UBE2E3: variants seen among roughly 807,000 people sequenced by gnomAD.
The protein encoded by UBE2E3 is ubiquitin-conjugating enzyme E2 E3.
In UBE2E3, 5 loss-of-function variants were observed where a neutral mutation model predicts 23.6. The observed-to-expected ratio is 0.21, with a 90% CI of 0.11 to 0.44. The LOEUF is 0.44. Ranked by LOEUF, UBE2E3 falls within the 20% of genes least tolerant of loss-of-function variation. UBE2E3 has a pLI of 0.99. For missense variants in UBE2E3, 81 were observed against 249.8 expected (o/e 0.32, Z 4.55); for synonymous variants, 78 against 87.5 (o/e 0.89, Z 0.60).
chr2:181,006,422 A>T (rs1441397301), intron 3 of UBE2E3, among the ~76,000 whole-genome samples: 1 of 151,234 alleles, frequency 6.6e-6, no homozygotes, highest in Admixed American at 6.6e-5. Context: ...TCCAGATTCC[A>T]TGAAGGATAC....
At chr2:181,009,935 CT>C (rs1225712011) in intron 3 of UBE2E3, among the ~76,000 whole-genome samples, 2 of 151,894 alleles carry the variant, frequency 1.3e-5, no homozygotes, top group Non-Finnish European at 2.9e-5. Flanking sequence ...TTTTTTAATA[CT>C]TTTTTTACTC....
chr2:181,021,036 T>C (rs1330434950), intron 3 of UBE2E3, among the ~76,000 whole-genome samples: 2 of 152,250 alleles, frequency 1.3e-5, no homozygotes, highest in Non-Finnish European at 1.5e-5. Context: ...ACATACTTTG[T>C]CAATCATTTC....
intron 3 of UBE2E3, among the ~76,000 whole-genome samples, chr2:181,055,681 T>G (rs1419956464): frequency 1.4e-5 from 2 of 141,140 alleles, no homozygotes; most frequent in Non-Finnish European, 3.0e-5. Flanking sequence ...AATAGTTAAA[T>G]GTACACTTTG....
intron 4 of UBE2E3, among the ~76,000 whole-genome samples, chr2:181,058,646 C>A (rs1687049645): frequency 6.6e-6 from 1 of 151,652 alleles, no homozygotes; most frequent in Non-Finnish European, 1.5e-5. Flanking sequence ...TTTTCTTTTC[C>A]AACATGGTGA....
intron 3 of UBE2E3, among the ~76,000 whole-genome samples, chr2:181,021,120 G>T (rs1685655688): frequency 6.6e-6 from 1 of 152,182 alleles, no homozygotes. Flanking sequence ...AATAGCTACA[G>T]CAATATACCA....
At chr2:181,010,180 G>A (rs1264620148) in intron 3 of UBE2E3, among the ~76,000 whole-genome samples, 2 of 152,050 alleles carry the variant, frequency 1.3e-5, no homozygotes, top group African/African-American at 4.8e-5. Flanking sequence ...ATATGTATTT[G>A]TACTAGCTTT....
intron 3 of UBE2E3, among the ~76,000 whole-genome samples, chr2:181,014,284 A>T (rs1002373659): frequency 2.6e-5 from 4 of 152,150 alleles, no homozygotes; most frequent in Non-Finnish European, 5.9e-5. Context: ...TACTTAAGGG[A>T]TATTCAGTGG....
chr2:181,012,542 C>T (rs1685362870), intron 3 of UBE2E3, among the ~76,000 whole-genome samples: 1 of 152,094 alleles, frequency 6.6e-6, no homozygotes, highest in Admixed American at 6.6e-5. Flanking sequence ...ATTTGACAAC[C>T]ACACATTGTC....
chr2:181,051,494 CCTAA>C (rs1686844161), intron 3 of UBE2E3, among the ~76,000 whole-genome samples: 1 of 151,776 alleles, frequency 6.6e-6, no homozygotes, highest in South Asian at 2.1e-4. Context: ...ATCTTAATTA[CCTAA>C]CTCATTCCAG....
chr2:181,040,644 G>T (rs1686458524), intron 3 of UBE2E3, among the ~76,000 whole-genome samples: 1 of 152,140 alleles, frequency 6.6e-6, no homozygotes, highest in Admixed American at 6.5e-5. Flanking sequence ...TAGGATGAAG[G>T]TGGGTAATCA....
At chr2:181,040,008 A>G (rs768581259) in intron 3 of UBE2E3, among the ~76,000 whole-genome samples, 3 of 152,144 alleles carry the variant, frequency 2.0e-5, no homozygotes, top group Non-Finnish European at 2.9e-5. Context: ...GAATCTGTGT[A>G]TGTAGAACCC....
rs115377214 is a variant in UBE2E3 at position 181,059,827 on chromosome 2, T to G, written c.379-838T>G. Among the ~76,000 whole-genome samples the G allele has an allele frequency of 3.9e-3, 587 of 151,808 alleles. 2 individuals carry two copies. The highest frequency in any genetic ancestry group is 0.014 in the African/African-American group (561 of 41,496). ...TGCATTCTTTTCAGGAAGACACTTT[T>G]GAGAGCATTTAATGTTTTCCTCCCA... On this transcript the variant is annotated intron_variant, in intron 4 of 5. Transcript: ENST00000410062.
upstream of UBE2E3, chr2:180,980,453 C>T (rs1043314633): frequency 1.3e-5 from 2 of 150,654 alleles, no homozygotes; most frequent in African/African-American, 4.9e-5. This position sits in a 1 kb window ranked among gnomAD's most constrained non-coding sequence, Gnocchi z 5.5. Flanking sequence ...ACGCGTGCAC[C>T]CCCAGGGTGA....
chr2:181,061,548 T>G (rs1266866774), intron 5 of UBE2E3, among the ~76,000 whole-genome samples: 1 of 151,660 alleles, frequency 6.6e-6, no homozygotes, highest in Non-Finnish European at 1.5e-5. Flanking sequence ...TCTCCCTTCC[T>G]TTTTTAATTA....
intron 3 of UBE2E3, among the ~76,000 whole-genome samples, chr2:181,034,856 A>C (rs1686219012): frequency 6.6e-6 from 1 of 152,184 alleles, no homozygotes; most frequent in Non-Finnish European, 1.5e-5. Context: ...GAGTAATAGA[A>C]AAAAATTAGA....
At chr2:181,021,911 A>G (rs962521615) in intron 3 of UBE2E3, among the ~76,000 whole-genome samples, 2 of 152,146 alleles carry the variant, frequency 1.3e-5, no homozygotes, top group African/African-American at 2.4e-5. Context: ...AAAAGTGCCC[A>G]GAATCCTTGA....
intron 3 of UBE2E3, among the ~76,000 whole-genome samples, chr2:181,030,237 T>C (rs1426083970): frequency 6.6e-6 from 1 of 152,140 alleles, no homozygotes; most frequent in Non-Finnish European, 1.5e-5. Flanking sequence ...CTTTATCTAC[T>C]AAAGTAATAA....
chr2:180,997,187 TTTAA>T (rs1390942237), intron 3 of UBE2E3, among the ~76,000 whole-genome samples: 4 of 152,038 alleles, frequency 2.6e-5, no homozygotes, highest in African/African-American at 9.6e-5. Flanking sequence ...TTTAAGCTCA[TTTAA>T]TTCTTTCATC....
rs143824174 is a variant in UBE2E3, at chr2:181,042,271, G to T, written c.246-15422G>T. 2.6e-5 allele frequency among the ~76,000 whole-genome samples: 4 copies of T among 152,182 alleles called. No homozygotes were observed. The East Asian group carries it at 5.8e-4, about 22-fold the overall frequency. On this transcript the variant is annotated intron_variant, in intron 3 of 5. Transcript: ENST00000410062. ...TCAGTCTTTCCTTGTTAATTCAAGG[G>T]TATTGTGAAGCATCAGTTAATATTC...
Sources: gnomAD v4.1 joint callset for allele counts (sites outside exome capture counted in the v4.1 genomes callset) on GRCh38, gnomAD v4.1.1 for gene constraint, Gnocchi (gnomAD v3.1) non-coding constraint, MANE v1.5 for transcripts, NCBI Gene and HGNC (gene_info 2026-07-23, HGNC 2026-07-21) for gene names.